EDA: variants seen among roughly 807,000 people sequenced by gnomAD.
The protein encoded by EDA is ectodysplasin-A.
Under a neutral mutation model 23.6 loss-of-function variants are expected in EDA, and 2 were observed. The ratio of observed to expected loss-of-function variants is 0.08; its 90% CI spans 0.03 to 0.27. The LOEUF is 0.27. EDA is among the 10% of genes least tolerant of loss of function. The pLI, the probability that EDA is intolerant of heterozygous loss-of-function variation, is 1.00. For synonymous variants in EDA, 131 were observed against 132.0 expected (o/e 0.99, Z 0.05); for missense variants, 229 against 324.2 (o/e 0.71, Z 2.26).
chrX:69,991,541 G>C (rs868813867), intron 2 of EDA, among the ~76,000 whole-genome samples: 15 of 111,254 alleles, frequency 1.3e-4, no homozygotes, highest in Middle Eastern at 9.3e-3. Flanking sequence ...GACAGAGAAG[G>C]TTTTCTCTTA....
chrX:69,936,482 A>G (rs917132735), intron 1 of EDA, among the ~76,000 whole-genome samples: 3 of 111,935 alleles, frequency 2.7e-5, no homozygotes. Context: ...ATGTACAGAA[A>G]CAGCAGTTAC....
chrX:69,836,908 G>A (rs1326707579), intron 1 of EDA, among the ~76,000 whole-genome samples: 3 of 112,410 alleles, frequency 2.7e-5, no homozygotes, highest in Non-Finnish European at 3.8e-5. Context: ...AACTCTTAGT[G>A]TATTATGAGA....
intron 1 of EDA, among the ~76,000 whole-genome samples, chrX:69,883,453 A>G (rs1034072517): frequency 5.4e-5 from 6 of 111,717 alleles, no homozygotes; most frequent in Non-Finnish European, 1.1e-4. Context: ...AGAAATCCTT[A>G]GGGAGCCAGG....
intron 2 of EDA, among the ~76,000 whole-genome samples, chrX:69,982,705 G>A (rs957672793): frequency 2.0e-5 from 2 of 101,366 alleles, no homozygotes; most frequent in African/African-American, 7.1e-5. Flanking sequence ...AATAGGTGTG[G>A]TGTGGTGCTG....
chrX:69,758,305 C>T (rs1602375776), intron 1 of EDA, among the ~76,000 whole-genome samples: 1 of 111,723 alleles, frequency 9.0e-6, no homozygotes. Context: ...AAGACTGTTG[C>T]CCCTGGGATG....
intron 1 of EDA, among the ~76,000 whole-genome samples, chrX:69,717,100 C>T (rs1481618842): frequency 9.0e-6 from 1 of 110,945 alleles, no homozygotes; most frequent in Non-Finnish European, 1.9e-5. Flanking sequence ...CCTACAATAC[C>T]ATGTTGGATA....
chrX:69,849,568 A>C (rs1244339971), intron 1 of EDA, among the ~76,000 whole-genome samples: 3 of 111,563 alleles, frequency 2.7e-5, no homozygotes, highest in Non-Finnish European at 3.8e-5. Flanking sequence ...TACTGTTACA[A>C]CTTGAGCCTA....
intron 1 of EDA, among the ~76,000 whole-genome samples, chrX:69,805,658 A>G (rs982575426): frequency 8.9e-6 from 1 of 111,742 alleles, no homozygotes; most frequent in Non-Finnish European, 1.9e-5. Flanking sequence ...ATGTTGTGCT[A>G]TTAAATCACC....
At chrX:69,759,577 A>G (rs747010472) in intron 1 of EDA, among the ~76,000 whole-genome samples, 1 of 112,002 alleles carries the variant, frequency 8.9e-6, no homozygotes, top group East Asian at 2.8e-4. Flanking sequence ...ACCGTGTTTT[A>G]CAATAGGTTG....
chrX:69,774,721 G>A (rs1447985658), intron 1 of EDA, among the ~76,000 whole-genome samples: 5 of 111,425 alleles, frequency 4.5e-5, no homozygotes, highest in African/African-American at 1.6e-4. Context: ...CCCTGAACTT[G>A]CACAGGCTTA....
chrX:70,027,899 C>A lies in EDA; in HGVS notation c.569C>A (p.Pro190His), dbSNP rs1458684931. 2.7e-6 allele frequency: 3 copies of A among 1,127,553 alleles called. No homozygotes were observed. Among genetic ancestry groups the A allele is most frequent in the East Asian group, 3.2e-5 (1 of 31,539 alleles). The allele number at this position is 1,127,553 out of a possible 1,213,427, so 92.9% of individuals were successfully genotyped here. A position where few individuals can be genotyped will look rare whatever the true frequency, so the allele number is the denominator to read the frequency against. Residue 190 changes from proline (P) to histidine (H), a missense_variant, in exon 4 of 8, where the codon CCC becomes CAC. Coordinates refer to ENST00000374552, the MANE Select transcript of EDA (RefSeq NM_001399.5). The stretch of plus-strand genomic sequence containing the variant: ...CCTGGACCCAATGGCCCTCCAGGAC[C>A]CCCAGGACCTCCAGGACCCCAGGGA... ...GPPGPNGPPGPPGPPGPQGPP... is the reference protein window; with the variant it reads ...GPPGPNGPPGHPGPPGPQGPP...
chrX:69,910,361 G>C (rs2018241855), intron 1 of EDA, among the ~76,000 whole-genome samples: 2 of 37,758 alleles, frequency 5.3e-5, no homozygotes. Flanking sequence ...GAGAGAGAGA[G>C]AGAGAGAGAG....
chrX:69,636,119 A>G (rs771467369), intron 1 of EDA, among the ~76,000 whole-genome samples: 25 of 110,711 alleles, frequency 2.3e-4, no homozygotes, highest in Non-Finnish European at 4.0e-4. Context: ...ATAATCCCCA[A>G]TGTTGGAGGT....
At chrX:69,942,171 AT>A (rs923860930) in intron 1 of EDA, among the ~76,000 whole-genome samples, 3 of 111,538 alleles carry the variant, frequency 2.7e-5, no homozygotes, top group African/African-American at 9.8e-5. Context: ...CATAGTTATT[AT>A]TTTTTATTGG....
intron 1 of EDA, among the ~76,000 whole-genome samples, chrX:69,871,472 G>C (rs953544211): frequency 2.7e-5 from 3 of 111,612 alleles, no homozygotes; most frequent in African/African-American, 9.8e-5. Context: ...CAGTGTTCGA[G>C]GGCAGGAAGC....
At chrX:69,899,281 TC>T (rs1220517482) in intron 1 of EDA, among the ~76,000 whole-genome samples, 1 of 111,923 alleles carries the variant, frequency 8.9e-6, no homozygotes, top group Non-Finnish European at 1.9e-5. Context: ...CATCAAATGG[TC>T]CATGTTAATC....
At chrX:69,935,754 C>T (rs1250642405) in intron 1 of EDA, among the ~76,000 whole-genome samples, 2 of 110,075 alleles carry the variant, frequency 1.8e-5, no homozygotes, top group African/African-American at 3.3e-5. Flanking sequence ...CCTACACATG[C>T]TCTGGTCTGG....
At chrX:69,836,184 A>G (rs763100128) in intron 1 of EDA, among the ~76,000 whole-genome samples, 1 of 112,790 alleles carries the variant, frequency 8.9e-6, no homozygotes, top group South Asian at 3.7e-4. Context: ...TAGGCTATAC[A>G]GAGGTCAGGG....
intron 1 of EDA, among the ~76,000 whole-genome samples, chrX:69,688,184 A>T (rs928957454): frequency 9.0e-6 from 1 of 111,640 alleles, no homozygotes; most frequent in Non-Finnish European, 1.9e-5. Flanking sequence ...ACAGGACAAC[A>T]TACACCTCAC....
Sources: gnomAD v4.1 joint callset for allele counts (sites outside exome capture counted in the v4.1 genomes callset) on GRCh38, gnomAD v4.1.1 for gene constraint, MANE v1.5 for transcripts, NCBI Gene and HGNC (gene_info 2026-07-23, HGNC 2026-07-21) for gene names.